Variants in SOD3 observed in about 807,000 individuals in gnomAD.
SOD3 encodes extracellular superoxide dismutase [Cu-Zn].
A neutral mutation model predicts 2.6 loss-of-function variants in SOD3; 3 were observed. That is an observed-to-expected ratio of 1.13 (90% CI 0.52 to 2.93). The LOEUF (loss-of-function observed/expected upper bound fraction) is 2.93, where lower values mean the gene tolerates loss of function less well. SOD3 is among the 30% of genes most tolerant of loss of function. The probability of loss-of-function intolerance (pLI) is 0.04; values close to 1 mark genes in which losing one functional copy is unlikely to be tolerated. For synonymous variants in SOD3, 188 were observed against 177.5 expected (o/e 1.06, Z -0.47); for missense variants, 379 against 370.4 (o/e 1.02, Z -0.19).
chr4:24,799,457 A>T, intron 1 of SOD3, 49 bp from the exon 2 acceptor site: 4 of 1,569,276 alleles, frequency 2.5e-6, no homozygotes, highest in Non-Finnish European at 3.4e-6. Flanking sequence ...TCTATGTTTC[A>T]CGTGACTAAG....
intron 1 of SOD3, among the ~76,000 whole-genome samples, chr4:24,797,789 T>C (rs1486403151): frequency 1.3e-5 from 2 of 152,228 alleles, no homozygotes; most frequent in African/African-American, 4.8e-5. Flanking sequence ...TGGAGTTTTT[T>C]AAATGGCACC....
At chr4:24,797,116 TC>T (rs1326890299) in intron 1 of SOD3, among the ~76,000 whole-genome samples, 1 of 152,178 alleles carries the variant, frequency 6.6e-6, no homozygotes, top group Non-Finnish European at 1.5e-5. Flanking sequence ...CAAGGGGACC[TC>T]CTCTCACAGT....
intron 1 of SOD3, among the ~76,000 whole-genome samples, chr4:24,799,235 G>C (rs1713758842): frequency 1.3e-5 from 2 of 152,150 alleles, no homozygotes; most frequent in Admixed American, 1.3e-4. Context: ...TATAGAGATG[G>C]GACTGGAGAG....
chr4:24,799,537 T>C lies in SOD3; in HGVS notation c.16T>C (p.Cys6Arg), dbSNP rs746406515. Residue 6 changes from cysteine to arginine, a missense_variant, in exon 2 of 2, where the codon TGT becomes CGT. Cys to Arg is a radical substitution (Grantham distance 180). Transcript: ENST00000382120. ...GACTCCAGCCATGCTGGCGCTACTG[T>C]GTTCCTGCCTGCTCCTGGCAGCCGG... MLALL[C>R]SCLLLAAGAS... 6.2e-7 allele frequency: 1 copy of C among 1,600,024 alleles called. No individual in the cohort carries two copies. The highest frequency in any genetic ancestry group is 8.5e-7 in the Non-Finnish European group (1 of 1,179,204).
rs1193847242 is a variant in SOD3, at chr4:24,799,623, G to C, written c.102G>C (p.Trp34Cys). ...AGCCCAACTCTGACTCGGCGGAGTGGATCCGAGACATGTACGCCAAGGTCA... is the reference window on the plus strand; with the variant it reads ...AGCCCAACTCTGACTCGGCGGAGTGCATCCGAGACATGTACGCCAAGGTCA... Reference protein sequence around the residue: ...SAEPNSDSAEWIRDMYAKVTE... With the variant: ...SAEPNSDSAECIRDMYAKVTE... Residue 34 changes from tryptophan (W) to cysteine (C), a missense_variant, in exon 2 of 2, where the codon TGG (tryptophan) becomes TGC (cysteine). By Grantham distance (215) the Trp-to-Cys change is radical. Coordinates refer to ENST00000382120, the MANE Select transcript of SOD3 (RefSeq NM_003102.4). 3.7e-6 allele frequency: 6 copies of C among 1,604,932 alleles called. No individual in the cohort carries two copies. Among genetic ancestry groups the C allele is most frequent in the South Asian group, 1.1e-5 (1 of 90,226 alleles).
Position 24,799,824 on chromosome 4 carries a change from C to T in SOD3, c.303C>T (p.Gly101=), listed in dbSNP as rs376624840. Residue 101 remains glycine (G), a synonymous_variant, in exon 2 of 2, where the codon GGC becomes GGT. Transcript: ENST00000382120. The part of the protein sequence containing the change: ...AKLDAFFALE[G]FPTEPNSSSR... ...TCGACGCCTTCTTCGCCCTGGAGGG[C>T]TTCCCGACCGAGCCGAACAGCTCCA... 376 of 1,600,050 alleles carry T rather than the reference C, an allele frequency of 2.3e-4. No individual in the cohort carries two copies. The highest frequency in any genetic ancestry group is 3.3e-4 in the Middle Eastern group (2 of 6,072).
intron 1 of SOD3, among the ~76,000 whole-genome samples, chr4:24,796,030 G>A (rs1014402663): frequency 2.6e-5 from 4 of 152,172 alleles, no homozygotes; most frequent in Admixed American, 6.5e-5. Flanking sequence ...AGAGGCCCTG[G>A]CCAGCTCAGG....
chr4:24,799,769 TCTTCCGGCAG>T lies in SOD3; in HGVS notation c.252_261del (p.Phe84LeufsTer35). The T allele has an allele frequency of 6.4e-7, 1 of 1,572,834 alleles. No homozygotes were observed. Among genetic ancestry groups the T allele is most frequent in the South Asian group, 1.1e-5 (1 of 87,476 alleles). ...CAGCCCCGGGTGACCGGCGTCGTCC[TCTTCCGGCAG>T]CTTGCGCCCCGCGCCAAGCTCGACG... On this transcript the variant is annotated frameshift_variant, in exon 2 of 2. Transcript: ENST00000382120. LOFTEE classifies it high-confidence loss of function.
chr4:24,799,113 C>G (rs941281787), intron 1 of SOD3, among the ~76,000 whole-genome samples: 3 of 152,048 alleles, frequency 2.0e-5, no homozygotes, highest in Non-Finnish European at 2.9e-5. Context: ...TTAGGGATGT[C>G]TGTGGGGGAG....
intron 1 of SOD3, among the ~76,000 whole-genome samples, chr4:24,796,187 C>G (rs945902231): frequency 1.3e-5 from 2 of 152,280 alleles, no homozygotes; most frequent in South Asian, 4.1e-4. Context: ...CCCCTGTCCT[C>G]TTTCTCTGAT....
At position 24,800,354 on chromosome 4, in the gene SOD3, T is replaced by C. The variant is rs2855262; in HGVS notation, c.*110T>C. On this transcript the variant is annotated 3_prime_UTR_variant, in exon 2 of 2. Coordinates refer to ENST00000382120, the MANE Select transcript of SOD3 (RefSeq NM_003102.4). ...CCACTCTGAGGTCTCACCTTCGCCT[T>C]TGCTGAAGTCTCCCCGCAGCCCTCT... is the stretch of plus-strand genomic sequence containing the variant. 701,861 of 1,150,044 alleles carry C rather than the reference T, an allele frequency of 0.61. 222,949 individuals carry two copies. The highest frequency in any genetic ancestry group is 0.65 in the Non-Finnish European group (576,666 of 885,470). The allele number at this position is 1,150,044 out of a possible 1,614,324, so 71.2% of individuals were successfully genotyped here. A position where few individuals can be genotyped will look rare whatever the true frequency, so the allele number is the denominator to read the frequency against.
chr4:24,800,366 C>A lies in SOD3; in HGVS notation c.*122C>A, dbSNP rs1713855635. ...CTCACCTTCGCCTTTGCTGAAGTCTCCCCGCAGCCCTCTCCACCCAGAGGT... is the reference window on the plus strand; with the variant it reads ...CTCACCTTCGCCTTTGCTGAAGTCTACCCGCAGCCCTCTCCACCCAGAGGT... On this transcript the variant is annotated 3_prime_UTR_variant, in exon 2 of 2. Transcript: ENST00000382120. The A allele has an allele frequency of 9.7e-7, 1 of 1,033,530 alleles. No homozygotes were observed. The highest frequency in any genetic ancestry group is 3.4e-5 in the East Asian group (1 of 29,416). The allele number at this position is 1,033,530 out of a possible 1,614,324, so 64.0% of individuals were successfully genotyped here. A position where few individuals can be genotyped will look rare whatever the true frequency, so the allele number is the denominator to read the frequency against.
chr4:24,795,806 G>T (rs376853637), intron 1 of SOD3, among the ~76,000 whole-genome samples, 155 bp downstream of exon 1: 5 of 152,132 alleles, frequency 3.3e-5, no homozygotes, highest in African/African-American at 1.2e-4. Flanking sequence ...GGGTTAGTGG[G>T]GAGGTGGAGT....
At chr4:24,798,083 CTCTG>C (rs200361799) in intron 1 of SOD3, among the ~76,000 whole-genome samples, 7 of 151,622 alleles carry the variant, frequency 4.6e-5, no homozygotes, top group Non-Finnish European at 5.9e-5. Flanking sequence ...CTTCCTCTCT[CTCTG>C]TCTTTCTTCT....
intron 1 of SOD3, among the ~76,000 whole-genome samples, chr4:24,796,418 C>T (rs1162431540): frequency 9.4e-5 from 14 of 148,830 alleles, no homozygotes; most frequent in African/African-American, 3.2e-4. Flanking sequence ...CCTTTTCCTC[C>T]TCCTCCTCCT....
At chr4:24,796,398 T>G in intron 1 of SOD3, among the ~76,000 whole-genome samples, 1 of 151,504 alleles carries the variant, frequency 6.6e-6, no homozygotes, top group Non-Finnish European at 1.5e-5. Context: ...GAGGGAGAAT[T>G]TTCTTTCCCC....
In SOD3 at chr4:24,799,887, C is replaced by A. The variant is rs755086508; in HGVS notation, c.366C>A (p.Ser122Arg). ...AIHVHQFGDL[S>R]QGCESTGPHY... ...ACGTGCACCAGTTCGGGGACCTGAG[C>A]CAGGGCTGCGAGTCCACCGGGCCCC... The change falls in exon 2 of 2, where the codon AGC becomes AGA. Residue 122 changes from serine to arginine, a missense_variant. Transcript: ENST00000382120. 1.6e-5 allele frequency: 26 copies of A among 1,602,060 alleles called. No homozygotes were observed. The African/African-American group carries it at 2.1e-4, about 13-fold the overall frequency.
intron 1 of SOD3, among the ~76,000 whole-genome samples, chr4:24,797,241 G>A (rs1023441676): frequency 6.6e-6 from 1 of 152,194 alleles, no homozygotes; most frequent in African/African-American, 2.4e-5. Context: ...TGTGCTAAGT[G>A]CCCTAGATGA....
chr4:24,800,664 TCCCC>T lies in SOD3; in HGVS notation c.*423_*426del, dbSNP rs527324343. The T allele has an allele frequency of 6.1e-6, 1 of 163,730 alleles. No homozygotes were observed. Among genetic ancestry groups the T allele is most frequent in the Non-Finnish European group, 1.4e-5 (1 of 69,720 alleles). The allele number at this position is 163,730 out of a possible 1,614,324, so 10.1% of individuals were successfully genotyped here. A position where few individuals can be genotyped will look rare whatever the true frequency, so the allele number is the denominator to read the frequency against. ...GGCCGCTCTGGGGGGTTGCCTCGAGTCCCCCCACCCCTCCCCACCCACCACCGCT... is the reference window on the plus strand; with the variant it reads ...GGCCGCTCTGGGGGGTTGCCTCGAGTCCACCCCTCCCCACCCACCACCGCT... On this transcript the variant is annotated 3_prime_UTR_variant, in exon 2 of 2. Transcript: ENST00000382120.
Sources: gnomAD v4.1 joint callset for allele counts (sites outside exome capture counted in the v4.1 genomes callset) on GRCh38, gnomAD v4.1.1 for gene constraint, MANE v1.5 for transcripts, NCBI Gene and HGNC (gene_info 2026-07-23, HGNC 2026-07-21) for gene names.